The following STIM1 variants were observed in gnomAD, a reference collection of about 807,000 sequenced individuals.
The protein encoded by STIM1 is stromal interaction molecule 1.
In STIM1, 25 loss-of-function variants were observed where a neutral mutation model predicts 74.7. That is an observed-to-expected ratio of 0.33 (90% confidence interval 0.24 to 0.47). STIM1 has a LOEUF of 0.47. STIM1 is among the 20% of genes least tolerant of loss of function. STIM1 has a pLI of 1.00. For missense variants in STIM1, 728 were observed against 920.8 expected (o/e 0.79, Z 2.71); for synonymous variants, 328 against 348.8 (o/e 0.94, Z 0.66).
intron 1 of STIM1, among the ~76,000 whole-genome samples, chr11:3,920,744 G>A (rs546770356): frequency 1.3e-5 from 2 of 152,018 alleles, no homozygotes; most frequent in African/African-American, 4.8e-5. Context: ...AACACCTTCT[G>A]GGACAGATGG....
At chr11:4,062,374 C>T (rs1303523404) in intron 5 of STIM1, among the ~76,000 whole-genome samples, 1 of 152,196 alleles carries the variant, frequency 6.6e-6, no homozygotes, top group Non-Finnish European at 1.5e-5. Flanking sequence ...AATCCCAGCA[C>T]TTTGGGAGGC....
At chr11:4,046,380 C>G (rs1233352658) in intron 3 of STIM1, among the ~76,000 whole-genome samples, 1 of 152,084 alleles carries the variant, frequency 6.6e-6, no homozygotes, top group Non-Finnish European at 1.5e-5. Flanking sequence ...AGTATCTTGT[C>G]TCCTAGGATG....
At chr11:4,048,541 T>C (rs910456371) in intron 3 of STIM1, among the ~76,000 whole-genome samples, 3 of 152,126 alleles carry the variant, frequency 2.0e-5, no homozygotes, top group Non-Finnish European at 4.4e-5. Flanking sequence ...CCTCCCACCA[T>C]TTTTCTTTAT....
chr11:3,909,671 A>G (rs2060823), intron 1 of STIM1, among the ~76,000 whole-genome samples: 1,790 of 152,072 alleles, frequency 0.012, 8 homozygotes, highest in Non-Finnish European at 0.02. Flanking sequence ...AAAAATACAA[A>G]AAATTAGCCT....
At chr11:3,909,474 C>T (rs140715800) in intron 1 of STIM1, among the ~76,000 whole-genome samples, 1 of 152,242 alleles carries the variant, frequency 6.6e-6, no homozygotes, top group African/African-American at 2.4e-5. Flanking sequence ...CAGATATATT[C>T]AGTAAGGCTA....
chr11:3,946,183 G>A (rs956092899), intron 1 of STIM1, among the ~76,000 whole-genome samples: 12 of 152,184 alleles, frequency 7.9e-5, no homozygotes, highest in African/African-American at 2.9e-4. Flanking sequence ...ACATTTGAAT[G>A]CTGAATTTTC....
chr11:3,864,720 C>T (rs149374138), intron 1 of STIM1, among the ~76,000 whole-genome samples: 2 of 152,316 alleles, frequency 1.3e-5, no homozygotes, highest in Admixed American at 1.3e-4. Flanking sequence ...ACTAGGAGGG[C>T]AAGGACCGCT....
chr11:4,064,581 G>A (rs1422403557), intron 5 of STIM1, among the ~76,000 whole-genome samples: 1 of 152,174 alleles, frequency 6.6e-6, no homozygotes, highest in Non-Finnish European at 1.5e-5. Context: ...ATTGGTCTGA[G>A]GCTTGACATA....
intron 3 of STIM1, among the ~76,000 whole-genome samples, chr11:4,051,304 A>G (rs2094238711): frequency 1.3e-5 from 2 of 152,192 alleles, no homozygotes; most frequent in Non-Finnish European, 2.9e-5. Context: ...GCTTATTTCC[A>G]AAATATAAAT....
At chr11:4,031,655 A>T (rs1442721016) in intron 3 of STIM1, among the ~76,000 whole-genome samples, 1 of 152,148 alleles carries the variant, frequency 6.6e-6, no homozygotes, top group Non-Finnish European at 1.5e-5. Flanking sequence ...TTTTATGTAC[A>T]TGTTTCCATT....
intron 12 of STIM1, among the ~76,000 whole-genome samples, chr11:4,087,120 A>G (rs2094498621): frequency 6.6e-6 from 1 of 152,046 alleles, no homozygotes; most frequent in South Asian, 2.1e-4. Context: ...TGCCTAAACT[A>G]TGCACTTTCA....
chr11:3,871,443 C>G (rs2091093460), intron 1 of STIM1, among the ~76,000 whole-genome samples: 1 of 152,018 alleles, frequency 6.6e-6, no homozygotes. Context: ...GTCAGCTGCT[C>G]TAGTAGGGGT....
chr11:3,869,710 G>T (rs527601595), intron 1 of STIM1, among the ~76,000 whole-genome samples: 13 of 152,332 alleles, frequency 8.5e-5, no homozygotes, highest in Admixed American at 1.3e-4. Context: ...GTCCTTGCAC[G>T]TTTTGACAAG....
chr11:3,863,486 G>A (rs775900303), intron 1 of STIM1, among the ~76,000 whole-genome samples: 2 of 151,974 alleles, frequency 1.3e-5, no homozygotes, highest in Admixed American at 6.6e-5. Context: ...TTGAACTGTT[G>A]GACTCAAGGG....
chr11:4,038,463 C>G (rs546377564), intron 3 of STIM1, among the ~76,000 whole-genome samples: 65 of 152,164 alleles, frequency 4.3e-4, no homozygotes, highest in Non-Finnish European at 8.1e-4. Flanking sequence ...TCATTTCCCT[C>G]TCTCAAGCTT....
At chr11:3,973,582 T>C (rs1045124406) in intron 2 of STIM1, among the ~76,000 whole-genome samples, 1 of 152,022 alleles carries the variant, frequency 6.6e-6, no homozygotes, top group Non-Finnish European at 1.5e-5. Flanking sequence ...GTATTTTTTG[T>C]AGAGATGAGG....
intron 5 of STIM1, among the ~76,000 whole-genome samples, chr11:4,063,986 C>G (rs563416525): frequency 1.1e-4 from 16 of 152,220 alleles, no homozygotes; most frequent in Non-Finnish European, 1.9e-4. Flanking sequence ...TGGTCCTTGC[C>G]TTATTAAGTG....
intron 3 of STIM1, among the ~76,000 whole-genome samples, chr11:4,024,922 T>A (rs1456496961): frequency 3.3e-4 from 50 of 152,174 alleles, no homozygotes; most frequent in Non-Finnish European, 8.8e-5. Flanking sequence ...AGGGCACAGA[T>A]AACAATAAGA....
chr11:3,996,819 A>G (rs1473417470), intron 2 of STIM1, among the ~76,000 whole-genome samples: 1 of 152,236 alleles, frequency 6.6e-6, no homozygotes, highest in East Asian at 1.9e-4. Context: ...CTGTCAAACT[A>G]GAAGTCCCTT....
Sources: gnomAD v4.1 joint callset for allele counts (sites outside exome capture counted in the v4.1 genomes callset) on GRCh38, gnomAD v4.1.1 for gene constraint, MANE v1.5 for transcripts, NCBI Gene and HGNC (gene_info 2026-07-23, HGNC 2026-07-21) for gene names.